The following PREPL variants were observed in gnomAD, a reference collection of about 807,000 sequenced individuals.
PREPL encodes the protein prolyl endopeptidase-like.
A neutral mutation model predicts 70.6 loss-of-function variants in PREPL; 77 were observed. The observed-to-expected ratio is 1.09, with a 90% CI of 0.91 to 1.32. The LOEUF (loss-of-function observed/expected upper bound fraction) is 1.32. Ranked by LOEUF, PREPL falls within the 40% of genes most tolerant of loss-of-function variation. The probability of loss-of-function intolerance (pLI) is 0.00; values close to 1 mark genes in which losing one functional copy is unlikely to be tolerated. For synonymous variants in PREPL, 315 were observed against 264.8 expected (o/e 1.19, Z -1.84); for missense variants, 1,002 against 778.2 (o/e 1.29, Z -3.42).
At chr2:44,323,146 G>T in intron 11 of PREPL, 116 bp downstream of exon 11, 1 of 1,017,096 alleles carries the variant, frequency 9.8e-7, no homozygotes, top group Non-Finnish European at 1.4e-6. Context: ...AGATATTTGG[G>T]CATCATAAGT....
chr2:44,323,837 A>G (rs1215809515), intron 10 of PREPL, among the ~76,000 whole-genome samples: 1 of 152,198 alleles, frequency 6.6e-6, no homozygotes, highest in Non-Finnish European at 1.5e-5. Context: ...GGAATGTAAA[A>G]TGGGGGAGCT....
chr2:44,357,681 A>G (rs1677196123), intron 1 of PREPL, among the ~76,000 whole-genome samples: 1 of 152,232 alleles, frequency 6.6e-6, no homozygotes, highest in Admixed American at 6.5e-5. Context: ...AGCTAATATC[A>G]CAGCTGTTAC....
chr2:44,352,866 TAAGAA>T (rs955424708), intron 1 of PREPL, among the ~76,000 whole-genome samples: 1 of 152,114 alleles, frequency 6.6e-6, no homozygotes, highest in Non-Finnish European at 1.5e-5. Flanking sequence ...TATGAATCAG[TAAGAA>T]AAGGACAGAC....
At chr2:44,329,746 G>T (rs969212393) in intron 8 of PREPL, among the ~76,000 whole-genome samples, 3 of 152,168 alleles carry the variant, frequency 2.0e-5, no homozygotes, top group Middle Eastern at 3.4e-3. Context: ...TATTTGTAAG[G>T]TTACTAAGTT....
chr2:44,355,149 TA>T (rs200977059), intron 1 of PREPL, among the ~76,000 whole-genome samples: 4 of 152,170 alleles, frequency 2.6e-5, no homozygotes, highest in South Asian at 2.1e-4. Flanking sequence ...TCCAATCAGT[TA>T]AAAAAAATCA....
chr2:44,343,030 T>C (rs572993092), intron 4 of PREPL, among the ~76,000 whole-genome samples: 2 of 152,190 alleles, frequency 1.3e-5, no homozygotes, highest in Non-Finnish European at 2.9e-5. Flanking sequence ...TCAACAGAAG[T>C]TTGCACACAA....
intron 7 of PREPL, 114 bp downstream of exon 7, chr2:44,338,237 C>T: frequency 2.0e-6 from 2 of 1,004,308 alleles, no homozygotes; most frequent in Non-Finnish European, 2.9e-6. Context: ...ATTTAAGTTA[C>T]ATTCCTTTCA....
At chr2:44,332,365 A>AATCT in intron 8 of PREPL, 94 bp downstream of exon 8, 2 of 1,098,178 alleles carry the variant, frequency 1.8e-6, no homozygotes, top group Non-Finnish European at 2.7e-6. Context: ...TACATTAGGA[A>AATCT]ACCGTGCTAA....
intron 1 of PREPL, among the ~76,000 whole-genome samples, chr2:44,353,316 G>C (rs1572567743): frequency 6.6e-6 from 1 of 152,032 alleles, no homozygotes; most frequent in East Asian, 1.9e-4. Context: ...AGGCGCAGTG[G>C]CTCATGCCTG....
At chr2:44,328,268 CAAA>C (rs1202363557) in intron 9 of PREPL, among the ~76,000 whole-genome samples, 6 of 102,874 alleles carry the variant, frequency 5.8e-5, no homozygotes, top group African/African-American at 2.0e-4. Context: ...GATTCTATCT[CAAA>C]AAAAAAAAAA....
rs112509073 is a variant in PREPL, at chr2:44,351,089, ATTT to A, written c.-48-4702_-48-4700del. The stretch of plus-strand genomic sequence containing the variant: ...AGGCACTTGCTCACCACGCTGGCTA[ATTT>A]TTTTTTTTTTTTTTGTATTTTTAGT... On this transcript the variant is annotated intron_variant, in intron 1 of 13. Transcript: ENST00000409411. Among the ~76,000 whole-genome samples, 749 of 136,564 alleles carry A rather than the reference ATTT, an allele frequency of 5.5e-3. 2 individuals carry two copies. Among genetic ancestry groups the A allele is most frequent in the African/African-American group, 0.019 (706 of 37,390 alleles). The allele number at this position is 136,564 out of a possible 152,430, so 89.6% of individuals were successfully genotyped here.
intron 4 of PREPL, among the ~76,000 whole-genome samples, chr2:44,343,248 T>C (rs1675419967): frequency 6.6e-6 from 1 of 152,158 alleles, no homozygotes; most frequent in African/African-American, 2.4e-5. Flanking sequence ...ATGTAACATA[T>C]GTACCACTCA....
chr2:44,357,327 G>T (rs572842930), intron 1 of PREPL, among the ~76,000 whole-genome samples: 2 of 152,348 alleles, frequency 1.3e-5, no homozygotes, highest in African/African-American at 4.8e-5. Flanking sequence ...AAAGTGGACA[G>T]AGTTGGAAAT....
At chr2:44,348,586 A>G (rs1027989787) in intron 1 of PREPL, among the ~76,000 whole-genome samples, 2 of 152,208 alleles carry the variant, frequency 1.3e-5, no homozygotes, top group Non-Finnish European at 2.9e-5. Flanking sequence ...ACAGAGCCAA[A>G]AGCAACAGAG....
rs201342099 is a variant in PREPL, at chr2:44,343,876, C to A, written c.218G>T (p.Arg73Ile). ...KLDQPFIDCI[R>I]VAPDEKYVAA... The stretch of plus-strand genomic sequence containing the variant: ...CACATATTTTTCATCTGGAGCAACT[C>A]TGATACAATCAATGAAGGGCTGGTC... The change falls in exon 4 of 14, where the codon AGA (arginine) becomes ATA (isoleucine). Residue 73 changes from arginine (R) to isoleucine (I), a missense_variant. Transcript: ENST00000409411. 3 of 1,613,932 alleles carry A rather than the reference C, an allele frequency of 1.9e-6. No individual in the cohort carries two copies. The highest frequency in any genetic ancestry group is 1.1e-5 in the South Asian group (1 of 91,078).
intron 1 of PREPL, among the ~76,000 whole-genome samples, chr2:44,352,101 C>A (rs1475892857): frequency 3.9e-5 from 6 of 152,196 alleles, no homozygotes; most frequent in African/African-American, 1.4e-4. Context: ...AAAGCTATTG[C>A]TCAAATGTCA....
At chr2:44,349,988 G>A (rs1336191050) in intron 1 of PREPL, among the ~76,000 whole-genome samples, 1 of 152,056 alleles carries the variant, frequency 6.6e-6, no homozygotes, top group Non-Finnish European at 1.5e-5. Context: ...ACCAAGCCCA[G>A]ATGCTTTCAA....
At chr2:44,338,238 A>T (rs1434859561) in intron 7 of PREPL, 113 bp downstream of exon 7, 6 of 1,018,428 alleles carry the variant, frequency 5.9e-6, no homozygotes, top group Non-Finnish European at 8.5e-6. Context: ...TTTAAGTTAC[A>T]TTCCTTTCAA....
At chr2:44,330,017 C>T (rs780231094) in intron 8 of PREPL, among the ~76,000 whole-genome samples, 2 of 152,168 alleles carry the variant, frequency 1.3e-5, no homozygotes, top group Non-Finnish European at 2.9e-5. Context: ...TAACTGGAGA[C>T]AGCAAAATGT....
Sources: gnomAD v4.1 joint callset for allele counts (sites outside exome capture counted in the v4.1 genomes callset) on GRCh38, gnomAD v4.1.1 for gene constraint, MANE v1.5 for transcripts, NCBI Gene and HGNC (gene_info 2026-07-23, HGNC 2026-07-21) for gene names.